Variants in TRABD2B observed in about 807,000 individuals in gnomAD.
The protein encoded by TRABD2B is metalloprotease TIKI2.
A neutral mutation model predicts 40.1 loss-of-function variants in TRABD2B; 14 were observed. That is an observed-to-expected ratio of 0.35 (90% CI 0.23 to 0.55). The LOEUF (loss-of-function observed/expected upper bound fraction) is 0.55. Among genes scored for constraint, TRABD2B ranks in the 20% least tolerant of loss-of-function variants. The pLI, the probability that TRABD2B is intolerant of heterozygous loss-of-function variation, is 0.90. For missense variants in TRABD2B, 541 were observed against 648.6 expected (o/e 0.83, Z 1.80); for synonymous variants, 263 against 277.0 (o/e 0.95, Z 0.50).
intron 2 of TRABD2B, among the ~76,000 whole-genome samples, chr1:47,950,307 A>G (rs1378953454): frequency 6.6e-6 from 1 of 152,098 alleles, no homozygotes; most frequent in Non-Finnish European, 1.5e-5. Flanking sequence ...AAATAATAAT[A>G]AAAAGAAAGA....
intron 2 of TRABD2B, among the ~76,000 whole-genome samples, chr1:47,986,274 G>A (rs1042504451): frequency 3.3e-5 from 5 of 152,200 alleles, no homozygotes; most frequent in African/African-American, 1.2e-4. Context: ...CAACAGTACT[G>A]AATATGTCTC....
chr1:47,976,345 C>T (rs1013785283), intron 2 of TRABD2B, among the ~76,000 whole-genome samples: 11 of 152,180 alleles, frequency 7.2e-5, no homozygotes, highest in African/African-American at 2.7e-4. Flanking sequence ...CTCCCCAACC[C>T]CTTCCTTTGC....
At chr1:47,795,848 A>G (rs1644741284) in intron 3 of TRABD2B, among the ~76,000 whole-genome samples, 1 of 152,122 alleles carries the variant, frequency 6.6e-6, no homozygotes, top group Non-Finnish European at 1.5e-5. Flanking sequence ...GCTTCCCCCA[A>G]GTTGGCTTGC....
At chr1:47,920,515 C>T (rs969213328) in intron 2 of TRABD2B, among the ~76,000 whole-genome samples, 3 of 152,340 alleles carry the variant, frequency 2.0e-5, no homozygotes, top group Non-Finnish European at 2.9e-5. Flanking sequence ...CTGGCTCTGC[C>T]CTGGGTTGCT....
At chr1:47,949,763 AAACTTTCT>A (rs1478457149) in intron 2 of TRABD2B, among the ~76,000 whole-genome samples, 2 of 152,232 alleles carry the variant, frequency 1.3e-5, no homozygotes, top group East Asian at 3.9e-4. Context: ...AAGGTCCCAG[AAACTTTCT>A]AGAGAAAATA....
chr1:47,968,852 C>T (rs560861828), intron 2 of TRABD2B, among the ~76,000 whole-genome samples: 1 of 152,314 alleles, frequency 6.6e-6, no homozygotes, highest in South Asian at 2.1e-4. Flanking sequence ...GGACCCTGAA[C>T]ATTGTTTTGT....
chr1:47,807,274 G>A (rs891016080), intron 2 of TRABD2B, among the ~76,000 whole-genome samples: 4 of 152,172 alleles, frequency 2.6e-5, no homozygotes, highest in Admixed American at 1.3e-4. Context: ...TACCAAGGGG[G>A]AAATTAGATT....
chr1:47,984,426 C>G (rs1232538715), intron 2 of TRABD2B, among the ~76,000 whole-genome samples: 3 of 152,210 alleles, frequency 2.0e-5, no homozygotes, highest in Non-Finnish European at 4.4e-5. Flanking sequence ...CGGCGCGGCT[C>G]GGGCCAAACG....
intron 2 of TRABD2B, among the ~76,000 whole-genome samples, chr1:47,833,368 T>C (rs1384310462): frequency 6.6e-6 from 1 of 152,196 alleles, no homozygotes; most frequent in Non-Finnish European, 1.5e-5. Context: ...GGTCAAAAGG[T>C]GCAGCCTTGA....
chr1:47,800,005 T>C (rs1375940249), intron 3 of TRABD2B, among the ~76,000 whole-genome samples: 1 of 90,148 alleles, frequency 1.1e-5, no homozygotes, highest in African/African-American at 4.6e-5. Context: ...TATAAACTAT[T>C]TCATTCCTTC....
At chr1:47,874,806 A>G (rs956420247) in intron 2 of TRABD2B, among the ~76,000 whole-genome samples, 2 of 151,554 alleles carry the variant, frequency 1.3e-5, no homozygotes, top group Non-Finnish European at 2.9e-5. Context: ...TTGGTCTCCA[A>G]TTCCTGGTCT....
intron 2 of TRABD2B, among the ~76,000 whole-genome samples, chr1:47,829,999 C>CA (rs1333873363): frequency 2.6e-5 from 4 of 152,088 alleles, no homozygotes; most frequent in African/African-American, 9.7e-5. Flanking sequence ...TGCCACCCCC[C>CA]AAGCCTCTTC....
intron 2 of TRABD2B, among the ~76,000 whole-genome samples, chr1:47,843,706 G>A (rs1311016775): frequency 6.6e-6 from 1 of 152,174 alleles, no homozygotes; most frequent in Non-Finnish European, 1.5e-5. Flanking sequence ...TGGCCAGCCA[G>A]GCAAGCAGTG....
intron 2 of TRABD2B, among the ~76,000 whole-genome samples, chr1:47,978,902 C>T (rs1021576236): frequency 2.6e-5 from 4 of 152,124 alleles, no homozygotes; most frequent in African/African-American, 7.2e-5. Context: ...CACAGAAGCA[C>T]GAAGAAGGAG....
At chr1:47,796,745 T>C (rs1644753751) in intron 3 of TRABD2B, among the ~76,000 whole-genome samples, 1 of 152,228 alleles carries the variant, frequency 6.6e-6, no homozygotes, top group South Asian at 2.1e-4. Context: ...GCAGTGTTGC[T>C]AGTGCCCAAT....
chr1:47,824,459 A>C (rs1352718812), intron 2 of TRABD2B, among the ~76,000 whole-genome samples: 1 of 152,216 alleles, frequency 6.6e-6, no homozygotes, highest in East Asian at 1.9e-4. Flanking sequence ...GACTGGTCCA[A>C]CAAACCTGTG....
chr1:47,848,043 C>T (rs994742173), intron 2 of TRABD2B, among the ~76,000 whole-genome samples: 2 of 152,208 alleles, frequency 1.3e-5, no homozygotes, highest in African/African-American at 4.8e-5. Context: ...GGCTGCTCCA[C>T]CCCGTTTTAC....
At position 47,848,787 on chromosome 1, in the gene TRABD2B, A is replaced by G. The variant is rs112165428; in HGVS notation, c.667-47168T>C. ...CACAGCAAAGGAATAATGGGAAATC[A>G]TGGCCTGTCAAGTCTGGCTGTATGG... On this transcript the variant is annotated intron_variant, in intron 2 of 6. Coordinates refer to ENST00000606738, the MANE Select transcript of TRABD2B (RefSeq NM_001194986.2). Among the ~76,000 whole-genome samples, 11 of 152,348 alleles carry G rather than the reference A, an allele frequency of 7.2e-5. 3 individuals are homozygous for G. Among genetic ancestry groups the G allele is most frequent in the African/African-American group, 2.6e-4 (11 of 41,586 alleles).
At chr1:47,922,399 G>A (rs1015400890) in intron 2 of TRABD2B, among the ~76,000 whole-genome samples, 1 of 152,230 alleles carries the variant, frequency 6.6e-6, no homozygotes, top group Non-Finnish European at 1.5e-5. Context: ...GCTGAAGCTT[G>A]TGGTCAAGGA....
Sources: allele counts gnomAD v4.1 joint callset (sites outside exome capture counted in the v4.1 genomes callset), GRCh38; gene constraint gnomAD v4.1.1; transcripts MANE v1.5; gene names NCBI Gene and HGNC (gene_info 2026-07-23, HGNC 2026-07-21).